The following RBFOX1 variants were observed in gnomAD, a reference collection of about 807,000 sequenced individuals.
RBFOX1 encodes the protein RNA binding fox-1 homolog 1.
RBFOX1 carries 8 observed loss-of-function variants against 57.7 expected under a neutral mutation model. The ratio of observed to expected loss-of-function variants is 0.14; its 90% CI spans 0.08 to 0.25. The LOEUF (loss-of-function observed/expected upper bound fraction) is 0.25, where lower values mean the gene tolerates loss of function less well. Among genes scored for constraint, RBFOX1 ranks in the 10% least tolerant of loss-of-function variants. The probability of loss-of-function intolerance (pLI) is 1.00; values close to 1 mark genes in which losing one functional copy is unlikely to be tolerated. For missense variants in RBFOX1, 611 were observed against 548.5 expected, an observed-to-expected ratio of 1.11 and a Z score of -1.14; for synonymous variants, 326 against 222.4, an observed-to-expected ratio of 1.47 and a Z score of -4.15.
chr16:5,271,827 C>A (rs984106620), intron 1 of RBFOX1, among the ~76,000 whole-genome samples: 1 of 152,196 alleles, frequency 6.6e-6, no homozygotes, highest in Non-Finnish European at 1.5e-5. Context: ...TTAGATTCCA[C>A]ATGTAAGTAA....
intron 1 of RBFOX1, among the ~76,000 whole-genome samples, chr16:5,247,022 C>A (rs907272930): frequency 2.6e-5 from 4 of 152,180 alleles, no homozygotes; most frequent in African/African-American, 9.7e-5. Flanking sequence ...TGGTATTTGT[C>A]GTTCTGTGCC....
At chr16:7,448,493 G>C (rs147432563) in intron 4 of RBFOX1, among the ~76,000 whole-genome samples, 3 of 152,124 alleles carry the variant, frequency 2.0e-5, no homozygotes, top group African/African-American at 7.2e-5. Context: ...AAAACCATCA[G>C]CTCTCATAAG....
chr16:7,437,026 A>C (rs1048909547), intron 4 of RBFOX1, among the ~76,000 whole-genome samples: 5 of 152,198 alleles, frequency 3.3e-5, no homozygotes, highest in African/African-American at 1.2e-4. Context: ...GATTGCAGTA[A>C]GCCAAGATCA....
chr16:5,963,849 GT>G (rs1255206444), intron 4 of RBFOX1, among the ~76,000 whole-genome samples: 3 of 152,178 alleles, frequency 2.0e-5, no homozygotes, highest in African/African-American at 7.2e-5. Flanking sequence ...GGTCTTAGCA[GT>G]TTTTTGGACA....
chr16:7,175,232 T>C (rs978543709), intron 4 of RBFOX1, among the ~76,000 whole-genome samples: 3 of 152,076 alleles, frequency 2.0e-5, no homozygotes, highest in African/African-American at 7.2e-5. Context: ...CCAGTGTGTG[T>C]TGTTCCTCTC....
At chr16:6,935,602 T>A (rs555974791) in intron 3 of RBFOX1, among the ~76,000 whole-genome samples, 2 of 152,330 alleles carry the variant, frequency 1.3e-5, no homozygotes, top group Non-Finnish European at 2.9e-5. Flanking sequence ...CCTATCCCCA[T>A]TGTGCATGTA....
chr16:7,413,956 A>T (rs989567887), intron 4 of RBFOX1, among the ~76,000 whole-genome samples: 1 of 152,070 alleles, frequency 6.6e-6, no homozygotes, highest in African/African-American at 2.4e-5. Flanking sequence ...TTACTTTCCA[A>T]ACTCCAAGGA....
At chr16:5,390,440 G>A (rs970623761) in intron 1 of RBFOX1, among the ~76,000 whole-genome samples, 4 of 150,164 alleles carry the variant, frequency 2.7e-5, no homozygotes, top group Admixed American at 6.6e-5. Flanking sequence ...AGGCGCCCAC[G>A]ACTACACTCG....
chr16:6,274,654 T>C (rs922168085), intron 1 of RBFOX1, among the ~76,000 whole-genome samples: 7 of 152,194 alleles, frequency 4.6e-5, no homozygotes, highest in Non-Finnish European at 1.0e-4. Flanking sequence ...CCTGATATCA[T>C]ACTATGGTTT....
At chr16:6,229,057 A>T (rs1263914455) in intron 1 of RBFOX1, among the ~76,000 whole-genome samples, 2 of 152,176 alleles carry the variant, frequency 1.3e-5, no homozygotes, top group Admixed American at 6.5e-5. Context: ...TGAGACACAC[A>T]GAATAGACTC....
intron 2 of RBFOX1, among the ~76,000 whole-genome samples, chr16:5,500,805 C>G (rs2043168827): frequency 6.6e-6 from 1 of 152,200 alleles, no homozygotes; most frequent in African/African-American, 2.4e-5. Flanking sequence ...CAGAGGCTAA[C>G]TGGTCTCCCA....
intron 1 of RBFOX1, among the ~76,000 whole-genome samples, chr16:6,245,974 C>T (rs184995476): frequency 1.0e-3 from 153 of 152,302 alleles, no homozygotes; most frequent in African/African-American, 3.1e-3. Flanking sequence ...TTACTTTTCC[C>T]TCTCTTTTTT....
At chr16:5,343,471 C>T (rs1038484853) in intron 1 of RBFOX1, among the ~76,000 whole-genome samples, 82 of 84,826 alleles carry the variant, frequency 9.7e-4, no homozygotes, top group Admixed American at 1.8e-3. Context: ...CCCACCACCA[C>T]ACCAGGCTAA....
At chr16:7,426,999 C>T (rs866717541) in intron 4 of RBFOX1, among the ~76,000 whole-genome samples, 4 of 152,162 alleles carry the variant, frequency 2.6e-5, no homozygotes, top group Non-Finnish European at 5.9e-5. Context: ...TCATTCTCAG[C>T]AAACTATTGA....
intron 2 of RBFOX1, among the ~76,000 whole-genome samples, chr16:6,518,701 C>G (rs1200224136): frequency 6.6e-6 from 1 of 152,104 alleles, no homozygotes; most frequent in African/African-American, 2.4e-5. Context: ...ATGTATGTAT[C>G]TGTCCATCCG....
intron 4 of RBFOX1, among the ~76,000 whole-genome samples, chr16:7,110,340 G>T (rs999925795): frequency 5.3e-5 from 8 of 152,036 alleles, no homozygotes; most frequent in Admixed American, 5.2e-4. Context: ...CAGCTTGGGT[G>T]ACAGAGCAAG....
intron 4 of RBFOX1, among the ~76,000 whole-genome samples, chr16:7,288,233 G>A (rs1456830536): frequency 1.3e-5 from 2 of 152,140 alleles, no homozygotes; most frequent in Non-Finnish European, 2.9e-5. Context: ...TCTGGAGAAA[G>A]AATCCACTCT....
chr16:6,013,610 C>G (rs1158226153), intron 4 of RBFOX1, among the ~76,000 whole-genome samples: 3 of 152,186 alleles, frequency 2.0e-5, no homozygotes, highest in Non-Finnish European at 2.9e-5. Context: ...GAGTCCCACT[C>G]TAACCACTAG....
intron 2 of RBFOX1, among the ~76,000 whole-genome samples, chr16:5,482,215 G>A (rs1003437105): frequency 6.6e-6 from 1 of 152,212 alleles, no homozygotes; most frequent in Non-Finnish European, 1.5e-5. Context: ...GAGCCATGGA[G>A]CATCCAGGGT....
Sources: allele counts gnomAD v4.1 joint callset (sites outside exome capture counted in the v4.1 genomes callset), GRCh38; gene constraint gnomAD v4.1.1; transcripts MANE v1.5; gene names NCBI Gene and HGNC (gene_info 2026-07-23, HGNC 2026-07-21).